Variants in EFCAB7 observed in about 807,000 individuals in gnomAD.
EFCAB7 encodes EF-hand calcium-binding domain-containing protein 7.
Under a neutral mutation model 77.1 loss-of-function variants are expected in EFCAB7, and 66 were observed. The observed-to-expected ratio is 0.86, with a 90% CI of 0.70 to 1.05. EFCAB7 has a LOEUF of 1.05. Among genes scored for constraint, EFCAB7 ranks in the 50% least tolerant of loss-of-function variants. The pLI is 0.00. For missense variants in EFCAB7, 638 were observed against 730.5 expected (o/e 0.87, Z 1.46); for synonymous variants, 225 against 243.3 (o/e 0.92, Z 0.70).
In EFCAB7 at chr1:63,556,487, A is replaced by G. The variant is rs184953042; in HGVS notation, c.1215-627A>G. 1.8e-4 allele frequency among the ~76,000 whole-genome samples: 28 copies of G among 152,308 alleles called. No individual in the cohort carries two copies. In the East Asian group the frequency reaches 2.1e-3, roughly 12 times the overall value. Reference sequence around the variant, plus strand: ...TTTGGCAAGTCAACTTCAGTCAAACATCGACAATTTCTCCCTATTGGTAGA... The same window carrying G: ...TTTGGCAAGTCAACTTCAGTCAAACGTCGACAATTTCTCCCTATTGGTAGA... On this transcript the variant is annotated intron_variant, in intron 9 of 13. Transcript: ENST00000371088.
intron 7 of EFCAB7, chr1:63,549,122 T>A: frequency 7.0e-6 from 2 of 285,398 alleles, no homozygotes; most frequent in South Asian, 7.0e-5. Context: ...TCGCCAAGGC[T>A]GGCGCAGTCG....
chr1:63,570,243 A>G (rs1364575141), intron 12 of EFCAB7: 3 of 152,222 alleles, frequency 2.0e-5, no homozygotes, highest in African/African-American at 7.2e-5. Context: ...TCATTAGGGT[A>G]TGATCGCAGA....
downstream of EFCAB7, among the ~76,000 whole-genome samples, chr1:63,574,188 G>A (rs1195488921): frequency 1.3e-5 from 2 of 151,654 alleles, no homozygotes; most frequent in African/African-American, 4.9e-5. Flanking sequence ...AAGGGAGGGG[G>A]CCTGAACAAT....
the EFCAB7 span, among the ~76,000 whole-genome samples, chr1:63,583,744 AAAC>A: frequency 2.6e-5 from 4 of 152,290 alleles, no homozygotes; most frequent in South Asian, 8.3e-4. Context: ...TGAAAGATTA[AAAC>A]AACAATAACA....
chr1:63,565,085 G>A (rs900980252), intron 11 of EFCAB7, among the ~76,000 whole-genome samples: 3 of 152,178 alleles, frequency 2.0e-5, no homozygotes, highest in Non-Finnish European at 1.5e-5. Flanking sequence ...GATGGCTCAC[G>A]CCTGTAATCC....
chr1:63,533,678 T>C, intron 5 of EFCAB7, 29 bp downstream of exon 5: 1 of 1,471,326 alleles, frequency 6.8e-7, no homozygotes, highest in South Asian at 1.3e-5. Context: ...AAGAATTTCT[T>C]GATCAGAAAT....
chr1:63,530,497 A>G (rs773451408), intron 2 of EFCAB7, among the ~76,000 whole-genome samples: 26 of 152,246 alleles, frequency 1.7e-4, no homozygotes, highest in Non-Finnish European at 2.8e-4. Context: ...AGTTACTTCT[A>G]TTCAACTGTT....
rs144651946 is a variant in EFCAB7, at chr1:63,533,843, G to A, written c.682+194G>A. ...TTATTATGGAACTTGACTTAGCTAT[G>A]CTCATTATATTTTATTAAAACTAAA... On this transcript the variant is annotated intron_variant, in intron 5 of 13. Coordinates refer to ENST00000371088, the MANE Select transcript of EFCAB7 (RefSeq NM_032437.4). Among the ~76,000 whole-genome samples, 603 of 152,110 alleles carry A rather than the reference G, an allele frequency of 4.0e-3. 4 individuals are homozygous for A. Among genetic ancestry groups the A allele is most frequent in the African/African-American group, 0.013 (551 of 41,516 alleles).
intron 12 of EFCAB7, 27 bp from the exon 13 acceptor site, chr1:63,570,994 G>C (rs1312374965): frequency 6.7e-7 from 1 of 1,485,794 alleles, no homozygotes; most frequent in Non-Finnish European, 9.3e-7. Context: ...GAAAGGAATA[G>C]CAGCTTATGA....
At position 63,546,015 on chromosome 1, in the gene EFCAB7, G is replaced by T. The variant is rs772230418; in HGVS notation, c.904G>T (p.Val302Phe). 1.9e-5 allele frequency: 31 copies of T among 1,613,612 alleles called. No individual in the cohort carries two copies. The African/African-American group carries it at 3.5e-4, about 18-fold the overall frequency. ...YRMQIAQRSM[V>F]YLTIKPLNLS... ...GATGCAAATAGCTCAGAGGTCCATG[G>T]TTTATCTAACAATTAAGCCATTAAA... The change falls in exon 7 of 14, where the codon GTT becomes TTT. Residue 302 changes from valine (V) to phenylalanine (F), a missense_variant. By Grantham distance (50) the Val-to-Phe change is conservative. Transcript: ENST00000371088.
intron 10 of EFCAB7, among the ~76,000 whole-genome samples, chr1:63,560,134 A>G (rs1047682030): frequency 5.3e-5 from 8 of 151,874 alleles, no homozygotes; most frequent in Admixed American, 1.3e-4. Flanking sequence ...TTGTATTTTT[A>G]GTAGAGATGG....
chr1:63,532,789 A>T (rs746948782), intron 4 of EFCAB7, 33 bp downstream of exon 4: 5 of 1,531,402 alleles, frequency 3.3e-6, no homozygotes, highest in Admixed American at 3.8e-5. Flanking sequence ...AAATTTACAT[A>T]CTGTGTTGGA....
intron 2 of EFCAB7, among the ~76,000 whole-genome samples, chr1:63,527,111 C>T (rs138929575): frequency 3.0e-4 from 45 of 152,228 alleles, no homozygotes; most frequent in African/African-American, 1.0e-3. Flanking sequence ...TAAAATAATC[C>T]GAGTTTTTTT....
chr1:63,546,222 A>T (rs1033173403), intron 7 of EFCAB7, among the ~76,000 whole-genome samples, 165 bp downstream of exon 7: 8 of 152,234 alleles, frequency 5.3e-5, no homozygotes, highest in Non-Finnish European at 7.3e-5. Flanking sequence ...GAACTGTGTT[A>T]ATCATATGAA....
chr1:63,556,476 T>A (rs914363093), intron 9 of EFCAB7, among the ~76,000 whole-genome samples: 1 of 152,108 alleles, frequency 6.6e-6, no homozygotes, highest in African/African-American at 2.4e-5. Flanking sequence ...GCAAGTCAAC[T>A]TCAGTCAAAC....
chr1:63,579,617 C>G, the EFCAB7 span, among the ~76,000 whole-genome samples: 311 of 152,228 alleles, frequency 2.0e-3, 1 homozygote, highest in African/African-American at 7.2e-3. Context: ...TTTAAGAAAC[C>G]GCCAAAGTGT....
At chr1:63,533,432 C>A in intron 4 of EFCAB7, 22 bp from the exon 5 acceptor site, 1 of 1,587,010 alleles carries the variant, frequency 6.3e-7, no homozygotes, top group Non-Finnish European at 8.6e-7. Flanking sequence ...GTTTTACCCA[C>A]TGGACTTTTT....
chr1:63,555,603 C>T, intron 9 of EFCAB7, 88 bp downstream of exon 9: 1 of 1,100,196 alleles, frequency 9.1e-7, no homozygotes, highest in Non-Finnish European at 1.3e-6. Flanking sequence ...CCAGCTCCCA[C>T]CCCCATCCTC....
rs193103857 is a variant in EFCAB7 at position 63,566,379 on chromosome 1, G to A, written c.1498-1931G>A. Among the ~76,000 whole-genome samples the A allele has an allele frequency of 7.1e-3, 1,079 of 152,238 alleles. 3 individuals carry two copies. Among genetic ancestry groups the A allele is most frequent in the Admixed American group, 0.012 (182 of 15,292 alleles). ...AGAGTACGAGGAGGGAGAGGATCAG[G>A]AAAAATAACGAATGGGTACTGGGCT... is the stretch of plus-strand genomic sequence containing the variant. On this transcript the variant is annotated intron_variant, in intron 11 of 13. Transcript: ENST00000371088.
Sources: gnomAD v4.1 joint callset for allele counts (sites outside exome capture counted in the v4.1 genomes callset) on GRCh38, gnomAD v4.1.1 for gene constraint, MANE v1.5 for transcripts, NCBI Gene and HGNC (gene_info 2026-07-23, HGNC 2026-07-21) for gene names.